FRMD4B: variants seen among roughly 807,000 people sequenced by gnomAD.
The protein encoded by FRMD4B is FERM domain containing 4B.
In FRMD4B, 74 loss-of-function variants were observed where a neutral mutation model predicts 141.5. That is an observed-to-expected ratio of 0.52 (90% CI 0.43 to 0.63). The LOEUF is 0.63. FRMD4B is among the 30% of genes least tolerant of loss of function. FRMD4B has a pLI of 0.00. For synonymous variants in FRMD4B, 506 were observed against 467.9 expected (o/e 1.08, Z -1.05); for missense variants, 1,366 against 1,253.4 (o/e 1.09, Z -1.36).
chr3:69,454,692 T>TGCAGCCCACCATGCC (rs1228483967), intron 1 of FRMD4B, among the ~76,000 whole-genome samples: 1 of 152,214 alleles, frequency 6.6e-6, no homozygotes, highest in Non-Finnish European at 1.5e-5. Context: ...GGCTTGGGAC[T>TGCAGCCCACCATGCC]GCAGCCCACC....
Position 69,311,162 on chromosome 3 carries a change from T to C in FRMD4B, c.323+101A>G, listed in dbSNP as rs1701574290. 1.2e-5 allele frequency: 7 copies of C among 587,420 alleles called. No homozygotes were observed. In the South Asian group the frequency reaches 1.2e-4, roughly 10 times the overall value. The allele number at this position is 587,420 out of a possible 1,614,324, so 36.4% of individuals were successfully genotyped here. A position where few individuals can be genotyped will look rare whatever the true frequency, so the allele number is the denominator to read the frequency against. ...ACCTTTAGCTAAGCAGGACATGTTC[T>C]GAATGCTGGAGGACTTATTTCCTTT... is the stretch of plus-strand genomic sequence containing the variant. On this transcript the variant is annotated intron_variant, in intron 3 of 22. Transcript: ENST00000398540.
Position 69,386,064 on chromosome 3 carries a change from T to G in FRMD4B, c.-75A>C. On this transcript the variant is annotated 5_prime_UTR_variant, in exon 1 of 23. Transcript: ENST00000398540. ...CCCCGACCCCAGCGGCCTGCCCGCC[T>G]GGGCTCCCGACGCCGGCTTCTGCTG... 1 of 1,301,254 alleles carries G rather than the reference T, an allele frequency of 7.7e-7. No individual in the cohort carries two copies. Among genetic ancestry groups the G allele is most frequent in the Non-Finnish European group, 1.0e-6 (1 of 992,516 alleles). The allele number at this position is 1,301,254 out of a possible 1,614,324, so 80.6% of individuals were successfully genotyped here. A position where few individuals can be genotyped will look rare whatever the true frequency, so the allele number is the denominator to read the frequency against.
chr3:69,472,719 G>A (rs1031520631), intron 1 of FRMD4B, among the ~76,000 whole-genome samples: 1 of 152,066 alleles, frequency 6.6e-6, no homozygotes, highest in Non-Finnish European at 1.5e-5. Flanking sequence ...AGCAAAAGAA[G>A]AAAGCTCTCC....
At chr3:69,175,530 G>T (rs1300864703) in intron 22 of FRMD4B, among the ~76,000 whole-genome samples, 1 of 152,100 alleles carries the variant, frequency 6.6e-6, no homozygotes, top group East Asian at 1.9e-4. Flanking sequence ...GATAAAAAAC[G>T]CAGCAAATGT....
At chr3:69,530,387 G>T (rs1232948174) in intron 1 of FRMD4B, among the ~76,000 whole-genome samples, 1 of 152,130 alleles carries the variant, frequency 6.6e-6, no homozygotes, top group Non-Finnish European at 1.5e-5. Context: ...GTTAAAAAGA[G>T]TCTGGCATGC....
upstream of FRMD4B, among the ~76,000 whole-genome samples, chr3:69,387,510 C>A (rs1210114111): frequency 6.6e-6 from 1 of 152,112 alleles, no homozygotes; most frequent in Non-Finnish European, 1.5e-5. Context: ...ATCTGTAAGT[C>A]AATTGTCTGT....
chr3:69,528,463 G>C (rs1409233940), intron 1 of FRMD4B, among the ~76,000 whole-genome samples: 1 of 151,938 alleles, frequency 6.6e-6, no homozygotes, highest in African/African-American at 2.4e-5. Flanking sequence ...TTTGTGGGCT[G>C]TGGTGATCCT....
intron 11 of FRMD4B, among the ~76,000 whole-genome samples, chr3:69,215,097 C>G (rs1344112303): frequency 1.3e-5 from 2 of 151,358 alleles, no homozygotes. Flanking sequence ...CTTGGCTGAT[C>G]TCAAACTCCT....
intron 21 of FRMD4B, 41 bp from the exon 22 acceptor site, chr3:69,176,697 T>A (rs760756473): frequency 2.8e-5 from 40 of 1,441,784 alleles, no homozygotes; most frequent in Non-Finnish European, 3.9e-5. Context: ...AATGGAAATA[T>A]TAAAAGTGAA....
chr3:69,479,249 A>C (rs1575817134), intron 1 of FRMD4B, among the ~76,000 whole-genome samples: 2 of 150,586 alleles, frequency 1.3e-5, no homozygotes, highest in South Asian at 4.2e-4. Context: ...TCCTGTCATT[A>C]TGATGTTAGC....
chr3:69,329,332 T>C (rs1390839954), intron 1 of FRMD4B, among the ~76,000 whole-genome samples: 2 of 152,028 alleles, frequency 1.3e-5, no homozygotes, highest in Non-Finnish European at 2.9e-5. Flanking sequence ...AAGGTGACTA[T>C]TATAATTTAT....
At chr3:69,265,954 T>A (rs2093559528) in intron 5 of FRMD4B, among the ~76,000 whole-genome samples, 1 of 151,840 alleles carries the variant, frequency 6.6e-6, no homozygotes, top group Non-Finnish European at 1.5e-5. Context: ...CCTAGCACTT[T>A]GGGAGGCCTA....
At chr3:69,496,637 A>AGAAAG (rs1706399949) in intron 1 of FRMD4B, among the ~76,000 whole-genome samples, 2 of 56,474 alleles carry the variant, frequency 3.5e-5, no homozygotes, top group African/African-American at 1.6e-4. Context: ...GAGAGAGAGA[A>AGAAAG]AGAGAGAGAG....
chr3:69,181,889 G>T (rs562922918), intron 20 of FRMD4B, among the ~76,000 whole-genome samples, 179 bp from the exon 21 acceptor site: 1 of 152,174 alleles, frequency 6.6e-6, no homozygotes, highest in East Asian at 1.9e-4. Context: ...TCACATGTAG[G>T]TTCATTTTGA....
intron 16 of FRMD4B, 124 bp downstream of exon 16, chr3:69,194,898 G>A (rs144295171): frequency 1.4e-4 from 115 of 796,050 alleles, no homozygotes; most frequent in East Asian, 4.4e-4. Flanking sequence ...TGGTCTACAC[G>A]ATCCATCTGT....
At chr3:69,371,404 C>A (rs1466034482) in intron 1 of FRMD4B, among the ~76,000 whole-genome samples, 1 of 152,132 alleles carries the variant, frequency 6.6e-6, no homozygotes, top group Non-Finnish European at 1.5e-5. Flanking sequence ...CACACAGACA[C>A]ACAGGGGCCT....
chr3:69,501,253 T>G (rs576496005), intron 1 of FRMD4B, among the ~76,000 whole-genome samples: 261 of 141,082 alleles, frequency 1.8e-3, no homozygotes, highest in African/African-American at 6.8e-3. Context: ...TTTTTTTAGC[T>G]AATCAGCTAT....
At chr3:69,223,760 A>G (rs1239427088) in intron 8 of FRMD4B, among the ~76,000 whole-genome samples, 1 of 152,032 alleles carries the variant, frequency 6.6e-6, no homozygotes, top group Non-Finnish European at 1.5e-5. Context: ...AATCACTTGA[A>G]CCAGGTTGCA....
intron 22 of FRMD4B, among the ~76,000 whole-genome samples, chr3:69,174,414 C>T (rs1042999197): frequency 1.3e-5 from 2 of 152,042 alleles, no homozygotes; most frequent in Non-Finnish European, 2.9e-5. Flanking sequence ...ATCATTATAA[C>T]CATGTTAAGT....
Sources: allele counts gnomAD v4.1 joint callset (sites outside exome capture counted in the v4.1 genomes callset), GRCh38; gene constraint gnomAD v4.1.1; transcripts MANE v1.5; gene names NCBI Gene and HGNC (gene_info 2026-07-23, HGNC 2026-07-21).